ACYP2: variants seen among roughly 807,000 people sequenced by gnomAD.
ACYP2 encodes the protein acylphosphatase-2.
In ACYP2, 12 loss-of-function variants were observed where a neutral mutation model predicts 11.2. The ratio of observed to expected loss-of-function variants is 1.08; its 90% confidence interval spans 0.69 to 1.74. The LOEUF (loss-of-function observed/expected upper bound fraction) is 1.74. ACYP2 is among the 40% of genes most tolerant of loss of function. ACYP2 has a pLI of 0.00. For missense variants in ACYP2, 134 were observed against 101.9 expected (o/e 1.31, Z -1.35); for synonymous variants, 43 against 32.2 (o/e 1.33, Z -1.13).
chr2:54,080,970 C>A (rs1302570956), intron 4 of ACYP2, among the ~76,000 whole-genome samples: 1 of 152,154 alleles, frequency 6.6e-6, no homozygotes, highest in Non-Finnish European at 1.5e-5. Context: ...GGTTTTGCAG[C>A]ATTTTGAACA....
At chr2:54,028,214 T>C (rs1324991476) in intron 2 of ACYP2, among the ~76,000 whole-genome samples, 1 of 152,170 alleles carries the variant, frequency 6.6e-6, no homozygotes, top group African/African-American at 2.4e-5. Context: ...TTTAATGACC[T>C]TGATAGTTTT....
chr2:54,144,551 G>A (rs540958756), intron 6 of ACYP2, among the ~76,000 whole-genome samples: 58 of 151,690 alleles, frequency 3.8e-4, no homozygotes, highest in Non-Finnish European at 7.5e-4. Flanking sequence ...GTACACACCT[G>A]TAATCCCAGC....
intron 4 of ACYP2, among the ~76,000 whole-genome samples, chr2:54,105,964 A>G (rs1679135713): frequency 6.6e-6 from 1 of 151,960 alleles, no homozygotes; most frequent in Non-Finnish European, 1.5e-5. Context: ...ATGGGGTTCA[A>G]TCCTTTAAAT....
chr2:54,053,481 G>A (rs1225459014), intron 3 of ACYP2, among the ~76,000 whole-genome samples: 1 of 152,268 alleles, frequency 6.6e-6, no homozygotes, highest in Non-Finnish European at 1.5e-5. Context: ...TAGATATCCT[G>A]ACACAGACAC....
At chr2:54,204,299 T>C (rs1196317174) in intron 6 of ACYP2, among the ~76,000 whole-genome samples, 2 of 36,080 alleles carry the variant, frequency 5.5e-5, no homozygotes, top group Admixed American at 4.1e-4. Context: ...GGCCATGGGA[T>C]TTTTTTTTTT....
At chr2:54,257,211 T>C (rs1039186190) in intron 6 of ACYP2, among the ~76,000 whole-genome samples, 1 of 152,164 alleles carries the variant, frequency 6.6e-6, no homozygotes, top group Non-Finnish European at 1.5e-5. Flanking sequence ...CCATCTCTAT[T>C]TTTAAAAAGA....
At chr2:54,008,848 G>A (rs1461130825) in intron 2 of ACYP2, among the ~76,000 whole-genome samples, 1 of 152,014 alleles carries the variant, frequency 6.6e-6, no homozygotes, top group Non-Finnish European at 1.5e-5. Context: ...AGACAAAGTT[G>A]TGTCAAAAAA....
At chr2:54,166,791 C>T (rs973983859) in intron 6 of ACYP2, among the ~76,000 whole-genome samples, 3 of 152,164 alleles carry the variant, frequency 2.0e-5, no homozygotes, top group Non-Finnish European at 4.4e-5. Flanking sequence ...AAGCCCCCCA[C>T]CTCCATTTCT....
chr2:54,170,246 G>C (rs1683168016), intron 6 of ACYP2, among the ~76,000 whole-genome samples: 1 of 152,146 alleles, frequency 6.6e-6, no homozygotes, highest in African/African-American at 2.4e-5. Context: ...TCCACCTCTT[G>C]AGTTGAAGTG....
chr2:54,098,777 G>C (rs1678732532), intron 4 of ACYP2, among the ~76,000 whole-genome samples: 1 of 150,580 alleles, frequency 6.6e-6, no homozygotes, highest in African/African-American at 2.4e-5. Flanking sequence ...CACCAGGCTG[G>C]AGTGCAGTGA....
chr2:54,230,537 T>G (rs750770274), intron 6 of ACYP2, among the ~76,000 whole-genome samples: 23 of 152,130 alleles, frequency 1.5e-4, no homozygotes, highest in Admixed American at 1.1e-3. Flanking sequence ...CGGCTAATTT[T>G]GTATTTTTAG....
At chr2:54,044,811 G>T (rs1675428639) in intron 2 of ACYP2, among the ~76,000 whole-genome samples, 1 of 152,114 alleles carries the variant, frequency 6.6e-6, no homozygotes, top group South Asian at 2.1e-4. Flanking sequence ...AACTGCAGTG[G>T]AAAGTGGCTG....
intron 4 of ACYP2, among the ~76,000 whole-genome samples, chr2:54,124,880 G>A (rs558097882): frequency 6.6e-6 from 1 of 152,120 alleles, no homozygotes; most frequent in East Asian, 1.9e-4. Flanking sequence ...AGACGCATGT[G>A]CTAACTAGAG....
chr2:54,123,872 G>C (rs1680302887), intron 4 of ACYP2, among the ~76,000 whole-genome samples: 1 of 150,434 alleles, frequency 6.6e-6, no homozygotes, highest in South Asian at 2.1e-4. Flanking sequence ...CAGTGATACG[G>C]CTTACATTTC....
intron 4 of ACYP2, among the ~76,000 whole-genome samples, chr2:54,114,556 T>C (rs1332099583): frequency 1.3e-5 from 2 of 152,118 alleles, no homozygotes; most frequent in African/African-American, 2.4e-5. Context: ...AGGTGGCGCA[T>C]GCCTGTAATC....
At chr2:54,027,619 G>T (rs950811416) in intron 2 of ACYP2, among the ~76,000 whole-genome samples, 9 of 151,946 alleles carry the variant, frequency 5.9e-5, no homozygotes, top group African/African-American at 2.2e-4. Context: ...TTATTATAGA[G>T]GTCTCAGCCA....
At chr2:54,102,637 C>T (rs1258212039) in intron 4 of ACYP2, among the ~76,000 whole-genome samples, 1 of 26,084 alleles carries the variant, frequency 3.8e-5, no homozygotes, top group East Asian at 7.7e-4. Flanking sequence ...CTGGCTTAAG[C>T]CAAAAAAAAA....
At chr2:54,087,828 A>T (rs1302802259) in intron 4 of ACYP2, among the ~76,000 whole-genome samples, 2 of 152,256 alleles carry the variant, frequency 1.3e-5, no homozygotes, top group Non-Finnish European at 2.9e-5. Flanking sequence ...GAGAAAAAAT[A>T]GATGTAAGAT....
chr2:53,982,401 AT>A (rs1671809051), intron 2 of ACYP2, among the ~76,000 whole-genome samples: 1 of 152,176 alleles, frequency 6.6e-6, no homozygotes. Flanking sequence ...TTCAGTAAAC[AT>A]TTATTTATGT....
Sources: allele counts gnomAD v4.1 joint callset (sites outside exome capture counted in the v4.1 genomes callset), GRCh38; gene constraint gnomAD v4.1.1; transcripts MANE v1.5; gene names NCBI Gene and HGNC (gene_info 2026-07-23, HGNC 2026-07-21).